Variants in EPS15L1 observed in about 807,000 individuals in gnomAD.
EPS15L1 encodes the protein epidermal growth factor receptor substrate 15-like 1.
Under a neutral mutation model 117.1 loss-of-function variants are expected in EPS15L1, and 43 were observed. The observed-to-expected ratio is 0.37, with a 90% CI of 0.29 to 0.47. The LOEUF is 0.47. Ranked by LOEUF, EPS15L1 falls within the 20% of genes least tolerant of loss-of-function variation. The pLI is 0.99. For missense variants in EPS15L1, 981 were observed against 1,164.0 expected (o/e 0.84, Z 2.29); for synonymous variants, 459 against 470.5 (o/e 0.98, Z 0.32).
intron 13 of EPS15L1, among the ~76,000 whole-genome samples, chr19:16,409,865 G>A (rs1171255017): frequency 6.6e-6 from 1 of 151,260 alleles, no homozygotes; most frequent in Non-Finnish European, 1.5e-5. Flanking sequence ...TTGAACCTGG[G>A]AGGCGGAGGT....
At chr19:16,368,421 A>G (rs2092170313) in intron 22 of EPS15L1, among the ~76,000 whole-genome samples, 1 of 152,196 alleles carries the variant, frequency 6.6e-6, no homozygotes, top group Non-Finnish European at 1.5e-5. Context: ...ACACTCACAC[A>G]ACTCCCATTC....
At chr19:16,459,390 T>C (rs2093227195) in intron 1 of EPS15L1, among the ~76,000 whole-genome samples, 1 of 152,184 alleles carries the variant, frequency 6.6e-6, no homozygotes, top group African/African-American at 2.4e-5. Context: ...ACATTCTTAA[T>C]GCCTGGAGGG....
Position 16,383,135 on chromosome 19 carries a change from C to G in EPS15L1, c.2247+1994G>C, listed in dbSNP as rs565630574. The G allele has an allele frequency of 2.0e-5, 3 of 152,170 alleles. No individual in the cohort carries two copies. Among genetic ancestry groups the G allele is most frequent in the African/African-American group, 7.2e-5 (3 of 41,422 alleles). 9.4% of individuals were successfully genotyped at this position (152,170 alleles called of 1,614,324 possible). On this transcript the variant is annotated intron_variant, in intron 21 of 23. Transcript: ENST00000455140. The surrounding 1 kb of genome is among the most constrained non-coding windows in gnomAD (Gnocchi z 5.2). ...TGTCATGAAGGCAGCTGATGGAACG[C>G]TGGAATCAAAACAAGATAGTATTGG...
chr19:16,385,894 G>A (rs1263399981), intron 20 of EPS15L1, among the ~76,000 whole-genome samples: 1 of 152,220 alleles, frequency 6.6e-6, no homozygotes, highest in Non-Finnish European at 1.5e-5. Flanking sequence ...AGATTTATAA[G>A]GAGGAGTGAG....
chr19:16,418,425 C>T (rs946306424), intron 10 of EPS15L1, among the ~76,000 whole-genome samples: 7 of 152,204 alleles, frequency 4.6e-5, no homozygotes, highest in South Asian at 2.1e-4. Flanking sequence ...TTATCTCGTG[C>T]GTGGGGCAGG....
intron 7 of EPS15L1, among the ~76,000 whole-genome samples, chr19:16,432,587 TAAATAC>T (rs140220902): frequency 0.051 from 7,391 of 145,418 alleles, 341 homozygotes; most frequent in East Asian, 0.27. Flanking sequence ...AATAAATAAA[TAAATAC>T]AAATACAAAT....
chr19:16,367,343 G>A (rs899073982), intron 22 of EPS15L1, among the ~76,000 whole-genome samples: 3 of 151,588 alleles, frequency 2.0e-5, no homozygotes, highest in Non-Finnish European at 4.4e-5. Flanking sequence ...TTAACAGGGG[G>A]CAAGGGATAC....
chr19:16,419,975 C>CGGCCA (rs778422348), intron 10 of EPS15L1, among the ~76,000 whole-genome samples: 1 of 152,222 alleles, frequency 6.6e-6, no homozygotes, highest in Non-Finnish European at 1.5e-5. Context: ...GCTCAGTCAG[C>CGGCCA]GGCCATCCGG....
chr19:16,398,518 C>T (rs2092563678), intron 16 of EPS15L1, among the ~76,000 whole-genome samples: 1 of 152,088 alleles, frequency 6.6e-6, no homozygotes, highest in South Asian at 2.1e-4. Flanking sequence ...AGGAGGCCCA[C>T]GTGGAAAATC....
At chr19:16,413,534 C>A in intron 13 of EPS15L1, 1 of 722,078 alleles carries the variant, frequency 1.4e-6, no homozygotes, top group Non-Finnish European at 2.4e-6. Context: ...ACACCAGAGT[C>A]TCCATGCAGA....
chr19:16,392,266 G>C (rs762488898), intron 19 of EPS15L1, 38 bp downstream of exon 19: 1 of 1,611,856 alleles, frequency 6.2e-7, no homozygotes, highest in Non-Finnish European at 8.5e-7. Flanking sequence ...CACAGAGCAG[G>C]CACGCAGCTC....
At chr19:16,380,239 A>G (rs1178111906) in intron 21 of EPS15L1, among the ~76,000 whole-genome samples, 1 of 151,382 alleles carries the variant, frequency 6.6e-6, no homozygotes, top group Admixed American at 6.6e-5. Context: ...CTAAGGCTCC[A>G]GTGTCTAGTT....
intron 13 of EPS15L1, among the ~76,000 whole-genome samples, chr19:16,406,058 C>T (rs921944910): frequency 3.3e-5 from 5 of 151,076 alleles, no homozygotes; most frequent in Non-Finnish European, 7.4e-5. Flanking sequence ...GGTGGGTTTG[C>T]GGGGAGCCAT....
At chr19:16,373,437 G>A (rs1351889049) in intron 22 of EPS15L1, among the ~76,000 whole-genome samples, 1 of 146,830 alleles carries the variant, frequency 6.8e-6, no homozygotes, top group African/African-American at 2.5e-5. Context: ...TTTGTTTTAA[G>A]AAAACATAAA....
chr19:16,444,874 G>A (rs116882126), intron 1 of EPS15L1, among the ~76,000 whole-genome samples: 3,656 of 152,058 alleles, frequency 0.024, 120 homozygotes, highest in Admixed American at 0.086. Context: ...CTACAGGTGC[G>A]TGCCACCATG....
At chr19:16,412,724 G>C (rs1015563572) in intron 13 of EPS15L1, 11 of 167,858 alleles carry the variant, frequency 6.6e-5, no homozygotes, top group Middle Eastern at 1.9e-3. Flanking sequence ...GGGGGGGGGG[G>C]GGGTGTCAGA....
At chr19:16,426,661 A>G (rs944403002) in intron 8 of EPS15L1, among the ~76,000 whole-genome samples, 1 of 152,166 alleles carries the variant, frequency 6.6e-6, no homozygotes. Flanking sequence ...ACGACAACAA[A>G]AAAACAAAAA....
rs573789970 is a variant in EPS15L1 at position 16,450,843 on chromosome 19, G to A, written c.34-8624C>T. ...GTCATTTGGGTCCCCAGAGAATCCA[G>A]GACTCTTCCTTCAGAACCTGAACAT... On this transcript the variant is annotated intron_variant, in intron 1 of 23. Transcript: ENST00000455140. Among the ~76,000 whole-genome samples, 4 of 152,130 alleles carry A rather than the reference G, an allele frequency of 2.6e-5. No individual in the cohort carries two copies. In the East Asian group the frequency reaches 7.7e-4, roughly 29 times the overall value.
At chr19:16,466,314 C>CA (rs2093304675) in intron 1 of EPS15L1, among the ~76,000 whole-genome samples, 1 of 152,112 alleles carries the variant, frequency 6.6e-6, no homozygotes, top group South Asian at 2.1e-4. Context: ...GAGGATGAAC[C>CA]AGGCAATCTA....
Sources: gnomAD v4.1 joint callset for allele counts (sites outside exome capture counted in the v4.1 genomes callset) on GRCh38, gnomAD v4.1.1 for gene constraint, Gnocchi (gnomAD v3.1) non-coding constraint, MANE v1.5 for transcripts, NCBI Gene and HGNC (gene_info 2026-07-23, HGNC 2026-07-21) for gene names.